TBC1D1: variants seen among roughly 807,000 people sequenced by gnomAD.
TBC1D1 encodes TBC1 (tre-2/USP6, BUB2, cdc16) domain family, member 1.
TBC1D1 carries 89 observed loss-of-function variants against 125.6 expected under a neutral mutation model. That is an observed-to-expected ratio of 0.71 (90% CI 0.60 to 0.85). The LOEUF (loss-of-function observed/expected upper bound fraction) is 0.85. Among genes scored for constraint, TBC1D1 ranks in the 40% least tolerant of loss-of-function variants. The probability of loss-of-function intolerance (pLI) is 0.00; values close to 1 mark genes in which losing one functional copy is unlikely to be tolerated. For synonymous variants in TBC1D1, 565 were observed against 564.1 expected, an observed-to-expected ratio of 1.00 and a Z score of -0.02; for missense variants, 1,377 against 1,469.2, an observed-to-expected ratio of 0.94 and a Z score of 1.03.
chr4:37,934,042 T>C (rs75841615), intron 2 of TBC1D1, among the ~76,000 whole-genome samples: 302 of 152,322 alleles, frequency 2.0e-3, no homozygotes, highest in African/African-American at 7.0e-3. Context: ...TAAAGACACC[T>C]ACACAGGCCG....
chr4:38,071,121 T>A (rs1447742835), intron 12 of TBC1D1, among the ~76,000 whole-genome samples: 1 of 152,200 alleles, frequency 6.6e-6, no homozygotes, highest in Non-Finnish European at 1.5e-5. Context: ...AAGGTACAGA[T>A]ACAGTGGTCA....
chr4:38,057,727 A>G lies in TBC1D1; in HGVS notation c.2050+3389A>G, dbSNP rs139782350. Among the ~76,000 whole-genome samples the G allele has an allele frequency of 3.9e-3, 599 of 152,340 alleles. 4 individuals carry two copies. Among genetic ancestry groups the G allele is most frequent in the Non-Finnish European group, 6.5e-3 (445 of 68,032 alleles). ...TGCTTTACATGAATTATTTCCTTTAATTAGACAATCTTAAGAACATCGACA... is the reference window on the plus strand; with the variant it reads ...TGCTTTACATGAATTATTTCCTTTAGTTAGACAATCTTAAGAACATCGACA... On this transcript the variant is annotated intron_variant, in intron 12 of 19. Coordinates refer to ENST00000261439, the MANE Select transcript of TBC1D1 (RefSeq NM_015173.4).
chr4:37,912,249 T>C (rs1718777706), intron 2 of TBC1D1, among the ~76,000 whole-genome samples: 1 of 152,206 alleles, frequency 6.6e-6, no homozygotes, highest in South Asian at 2.1e-4. Context: ...TCAGGGTAAA[T>C]GTAATTTATT....
intron 18 of TBC1D1, among the ~76,000 whole-genome samples, chr4:38,129,898 G>A (rs1016297371): frequency 2.0e-5 from 3 of 152,178 alleles, no homozygotes; most frequent in African/African-American, 7.2e-5. Context: ...ACATTAGCAT[G>A]TTGCTGATGG....
intron 12 of TBC1D1, among the ~76,000 whole-genome samples, chr4:38,087,315 G>A (rs1031714683): frequency 1.3e-5 from 2 of 152,218 alleles, no homozygotes; most frequent in South Asian, 4.1e-4. Flanking sequence ...GTCCTTGTCA[G>A]TAGCCCAAGT....
At chr4:38,089,880 GT>G in intron 12 of TBC1D1, 51 bp from the exon 15 acceptor site, 1 of 1,503,240 alleles carries the variant, frequency 6.7e-7, no homozygotes, top group East Asian at 2.3e-5. Context: ...GTGTTTGAAT[GT>G]GCATTTTTTG....
intron 2 of TBC1D1, among the ~76,000 whole-genome samples, chr4:37,933,433 T>TACACAC (rs3038289): frequency 1.8e-4 from 27 of 147,366 alleles, no homozygotes; most frequent in African/African-American, 3.0e-4. Context: ...ACATATGTTT[T>TACACAC]ACACACACAC....
intron 12 of TBC1D1, among the ~76,000 whole-genome samples, chr4:38,075,909 T>TC (rs926051698): frequency 6.6e-6 from 1 of 152,170 alleles, no homozygotes; most frequent in Non-Finnish European, 1.5e-5. Flanking sequence ...TTGTTTTTTT[T>TC]CCCTTGGTCA....
rs974178419 is a variant in TBC1D1, at chr4:37,969,211, A to T, written c.418-45298A>T. Among the ~76,000 whole-genome samples the T allele has an allele frequency of 5.3e-5, 8 of 152,298 alleles. No individual in the cohort carries two copies. In the East Asian group the frequency reaches 5.8e-4, roughly 11 times the overall value. ...AGCCCATCATTTGTTTTACTTCTAC[A>T]TTTAAGACATATCATTCACACTATA... On this transcript the variant is annotated intron_variant, in intron 2 of 19. Transcript: ENST00000261439.
At chr4:37,893,555 A>G (rs933979364) in intron 1 of TBC1D1, among the ~76,000 whole-genome samples, 3 of 152,030 alleles carry the variant, frequency 2.0e-5, no homozygotes, top group African/African-American at 7.2e-5. Flanking sequence ...ATGGTGGCTC[A>G]TGCCTGTAAT....
In TBC1D1 at chr4:38,118,148, T is replaced by C. The variant is rs537579344; in HGVS notation, c.2918T>C (p.Met973Thr). The C allele has an allele frequency of 7.4e-6, 12 of 1,614,230 alleles. No homozygotes were observed. In the Admixed American group the frequency reaches 8.3e-5, roughly 11 times the overall value. Residue 973 changes from methionine (M) to threonine (T), a missense_variant, in exon 17 of 20, where the codon ATG becomes ACG. Physicochemically the swap from Met to Thr is moderately conservative, Grantham distance 81. Transcript: ENST00000261439. ...TACGCTGCCCCCTGGTTCCTCACCA[T>C]GTTTGCCTCACAGTTCCCGCTGGGA...
In TBC1D1 at chr4:37,893,412, G is replaced by A. The variant is rs138442909; in HGVS notation, c.-94+2064G>A. On this transcript the variant is annotated intron_variant, in intron 1 of 19. Transcript: ENST00000261439. ...TTGTTTTGCCCTTTTCCAGTCTACC[G>A]TGCTGCCCTTCTCAAGTTTAATGAC... is the stretch of plus-strand genomic sequence containing the variant. 3.5e-3 allele frequency among the ~76,000 whole-genome samples: 529 copies of A among 152,222 alleles called. 2 individuals carry two copies. Among genetic ancestry groups the A allele is most frequent in the African/African-American group, 0.012 (490 of 41,546 alleles).
intron 2 of TBC1D1, among the ~76,000 whole-genome samples, chr4:37,934,522 G>A (rs533671988): frequency 4.1e-4 from 62 of 152,316 alleles, no homozygotes; most frequent in African/African-American, 1.3e-3. Flanking sequence ...TGCGTCATCC[G>A]TCCTGGTTGT....
chr4:37,916,653 A>T (rs1199292259), intron 2 of TBC1D1, among the ~76,000 whole-genome samples: 6 of 152,210 alleles, frequency 3.9e-5, no homozygotes, highest in African/African-American at 1.4e-4. Context: ...AGAGTATGCA[A>T]ATCAGGAGCC....
chr4:38,038,862 C>T (rs1747733034), intron 8 of TBC1D1, among the ~76,000 whole-genome samples: 1 of 151,246 alleles, frequency 6.6e-6, no homozygotes, highest in African/African-American at 2.4e-5. Flanking sequence ...AGGAGAATGG[C>T]ATGAACCCGG....
intron 2 of TBC1D1, among the ~76,000 whole-genome samples, chr4:37,923,755 C>T (rs528870839): frequency 1.5e-3 from 221 of 149,918 alleles, no homozygotes; most frequent in African/African-American, 5.1e-3. Flanking sequence ...TCTCAGCTCA[C>T]TGCAACCTCC....
At position 37,901,979 on chromosome 4, in the gene TBC1D1, A is replaced by G. The variant is rs1716126200; in HGVS notation, c.-93-24A>G. 4 of 1,044,792 alleles carry G rather than the reference A, an allele frequency of 3.8e-6. No individual in the cohort carries two copies. The East Asian group carries it at 9.8e-5, about 25-fold the overall frequency. The allele number at this position is 1,044,792 out of a possible 1,614,324, so 64.7% of individuals were successfully genotyped here. ...TATTGCTATGACTTCATTAAATTCT[A>G]ATGCCTCTGGTTTTCTCCCCCAGGT... On this transcript the variant is annotated intron_variant, in intron 1 of 19. Transcript: ENST00000261439.
chr4:38,080,408 A>G (rs972063584), intron 12 of TBC1D1, among the ~76,000 whole-genome samples: 7 of 152,338 alleles, frequency 4.6e-5, no homozygotes, highest in Non-Finnish European at 1.0e-4. Context: ...CCTCTTCTTC[A>G]GAGTGTGGTC....
intron 2 of TBC1D1, among the ~76,000 whole-genome samples, chr4:37,997,503 A>G (rs1468689904): frequency 1.3e-5 from 2 of 152,204 alleles, no homozygotes; most frequent in East Asian, 3.8e-4. Flanking sequence ...TGCCCCTAGA[A>G]GTTTTTACCT....
Sources: gnomAD v4.1 joint callset for allele counts (sites outside exome capture counted in the v4.1 genomes callset) on GRCh38, gnomAD v4.1.1 for gene constraint, MANE v1.5 for transcripts, NCBI Gene and HGNC (gene_info 2026-07-23, HGNC 2026-07-21) for gene names.